Variants in RPA3 observed in about 807,000 individuals in gnomAD.
RPA3 encodes the protein replication protein A3.
RPA3 carries 24 observed loss-of-function variants against 13.7 expected under a neutral mutation model. The observed-to-expected ratio is 1.75, with a 90% CI of 1.27 to 2.46. The LOEUF (loss-of-function observed/expected upper bound fraction) is 2.46, where lower values mean the gene tolerates loss of function less well. RPA3 is among the 30% of genes most tolerant of loss of function. The pLI, the probability that RPA3 is intolerant of heterozygous loss-of-function variation, is 0.00. For synonymous variants in RPA3, 59 were observed against 51.2 expected, an observed-to-expected ratio of 1.15 and a Z score of -0.65; for missense variants, 183 against 151.0, an observed-to-expected ratio of 1.21 and a Z score of -1.11.
chr7:7,676,172 C>T (rs1464115345), intron 4 of RPA3: 1 of 398,630 alleles, frequency 2.5e-6, no homozygotes, highest in East Asian at 3.6e-5. Flanking sequence ...TTTGGGTTGG[C>T]TTCGTGGCTC....
chr7:7,682,030 C>G (rs1161365545), intron 4 of RPA3, among the ~76,000 whole-genome samples: 1 of 152,022 alleles, frequency 6.6e-6, no homozygotes, highest in African/African-American at 2.4e-5. Flanking sequence ...TATTGTTGAC[C>G]AAATATTGAA....
intron 4 of RPA3, among the ~76,000 whole-genome samples, chr7:7,671,009 A>C (rs1779592006): frequency 6.6e-6 from 1 of 152,192 alleles, no homozygotes; most frequent in African/African-American, 2.4e-5. Context: ...CCTTGGCTAC[A>C]ACGGAAATGG....
chr7:7,661,113 G>T (rs1785464500), intron 4 of RPA3, among the ~76,000 whole-genome samples: 1 of 151,808 alleles, frequency 6.6e-6, no homozygotes, highest in Non-Finnish European at 1.5e-5. Context: ...TTCGGCTATT[G>T]ATACTTGTGT....
Position 7,673,306 on chromosome 7 carries a change from C to G in RPA3, c.-758+12524G>C, listed in dbSNP as rs546784170. The G allele has an allele frequency of 4.8e-5, 53 of 1,101,860 alleles. No homozygotes were observed. In the East Asian group the frequency reaches 1.3e-3, roughly 28 times the overall value. The allele number at this position is 1,101,860 out of a possible 1,614,324, so 68.3% of individuals were successfully genotyped here. Reference sequence around the variant, plus strand: ...TTGACATTGTGTAATGTTTCTATTTCAGGTAGCAGCAGCAGCAGCAGCAGC... The same window carrying G: ...TTGACATTGTGTAATGTTTCTATTTGAGGTAGCAGCAGCAGCAGCAGCAGC... On this transcript the variant is annotated intron_variant, in intron 4 of 7. Coordinates refer to ENST00000223129, the MANE Select transcript of RPA3 (RefSeq NM_002947.5).
intron 2 of RPA3, among the ~76,000 whole-genome samples, chr7:7,701,496 A>T (rs897522812): frequency 2.0e-5 from 3 of 152,178 alleles, no homozygotes; most frequent in Admixed American, 6.5e-5. Context: ...GCTCACTCTT[A>T]CATGCTTGTA....
chr7:7,637,188 G>A (rs957801806), intron 7 of RPA3, 106 bp from the exon 8 acceptor site: 1 of 831,866 alleles, frequency 1.2e-6, no homozygotes, highest in Non-Finnish European at 2.0e-6. Context: ...CCTTTTGGAA[G>A]TGAGTTTCTA....
At chr7:7,654,073 A>T (rs1421462631) in intron 4 of RPA3, among the ~76,000 whole-genome samples, 1 of 152,188 alleles carries the variant, frequency 6.6e-6, no homozygotes, top group African/African-American at 2.4e-5. Flanking sequence ...AGAAAAAAGC[A>T]GTCATTTCTT....
chr7:7,675,654 A>G (rs1252616025), intron 4 of RPA3, among the ~76,000 whole-genome samples: 2 of 152,222 alleles, frequency 1.3e-5, no homozygotes, highest in Non-Finnish European at 2.9e-5. Flanking sequence ...TCTCAGTACC[A>G]GCTGCTCCAT....
At chr7:7,655,552 T>C (rs59456152) in intron 4 of RPA3, among the ~76,000 whole-genome samples, 56,553 of 151,986 alleles carry the variant, frequency 0.37, 11,529 homozygotes, top group East Asian at 0.8. Flanking sequence ...ACTTCCTAAG[T>C]ATTTTAGCTG....
chr7:7,681,029 A>G (rs768343893), intron 4 of RPA3, among the ~76,000 whole-genome samples: 1 of 152,132 alleles, frequency 6.6e-6, no homozygotes, highest in Non-Finnish European at 1.5e-5. Flanking sequence ...AGAAAAATAA[A>G]TATATTTTGT....
At chr7:7,708,463 C>A (rs1269975699) in intron 2 of RPA3, among the ~76,000 whole-genome samples, 1 of 152,148 alleles carries the variant, frequency 6.6e-6, no homozygotes, top group Non-Finnish European at 1.5e-5. Context: ...ATTTATTAGA[C>A]AGCATTTACC....
chr7:7,661,663 G>T (rs184864166), intron 4 of RPA3, among the ~76,000 whole-genome samples: 25 of 152,264 alleles, frequency 1.6e-4, no homozygotes, highest in African/African-American at 6.0e-4. Context: ...ATTGTTGCCC[G>T]TTCCTTCCTC....
chr7:7,681,506 A>C (rs777902471), intron 4 of RPA3, among the ~76,000 whole-genome samples: 2 of 152,172 alleles, frequency 1.3e-5, no homozygotes, highest in African/African-American at 2.4e-5. Flanking sequence ...AGTGGTGCCG[A>C]ATAAGAATAA....
At chr7:7,703,123 AT>A (rs1780504958) in intron 2 of RPA3, among the ~76,000 whole-genome samples, 1 of 152,204 alleles carries the variant, frequency 6.6e-6, no homozygotes, top group African/African-American at 2.4e-5. Flanking sequence ...TCTTCATATA[AT>A]TGAATACAGC....
At chr7:7,707,651 A>T (rs558232870) in intron 2 of RPA3, among the ~76,000 whole-genome samples, 11 of 152,232 alleles carry the variant, frequency 7.2e-5, no homozygotes, top group Non-Finnish European at 1.5e-4. Context: ...TTTAAAAAAG[A>T]CCTCTTTAGT....
At chr7:7,686,288 T>C (rs1189817257) in intron 3 of RPA3, among the ~76,000 whole-genome samples, 1 of 152,186 alleles carries the variant, frequency 6.6e-6, no homozygotes, top group Non-Finnish European at 1.5e-5. Context: ...AGGGCCACTA[T>C]TGGGAAGTGT....
intron 2 of RPA3, among the ~76,000 whole-genome samples, chr7:7,701,476 C>T (rs1780460992): frequency 1.3e-5 from 2 of 152,198 alleles, no homozygotes; most frequent in African/African-American, 4.8e-5. Flanking sequence ...TTGCTAGAGA[C>T]TTTCTCAGTG....
At chr7:7,690,614 A>C (rs193251090) in intron 2 of RPA3, among the ~76,000 whole-genome samples, 23 of 152,310 alleles carry the variant, frequency 1.5e-4, no homozygotes, top group African/African-American at 5.5e-4. Context: ...GGATAATTCT[A>C]AACAGCCACA....
intron 4 of RPA3, among the ~76,000 whole-genome samples, chr7:7,643,675 T>G (rs948081262): frequency 4.7e-5 from 7 of 148,696 alleles, no homozygotes; most frequent in Admixed American, 1.3e-4. Context: ...TCGCGCCACT[T>G]CACTCCAACC....
Sources: gnomAD v4.1 joint callset for allele counts (sites outside exome capture counted in the v4.1 genomes callset) on GRCh38, gnomAD v4.1.1 for gene constraint, MANE v1.5 for transcripts, NCBI Gene and HGNC (gene_info 2026-07-23, HGNC 2026-07-21) for gene names.